BTN2A2: variants seen among roughly 807,000 people sequenced by gnomAD.
BTN2A2 encodes butyrophilin 2.
A neutral mutation model predicts 34.7 loss-of-function variants in BTN2A2; 29 were observed. That is an observed-to-expected ratio of 0.84 (90% CI 0.62 to 1.14). The LOEUF (loss-of-function observed/expected upper bound fraction) is 1.14. Ranked by LOEUF, BTN2A2 falls within the 50% of genes most tolerant of loss-of-function variation. The pLI, the probability that BTN2A2 is intolerant of heterozygous loss-of-function variation, is 0.00. For synonymous variants in BTN2A2, 240 were observed against 253.1 expected (o/e 0.95, Z 0.49); for missense variants, 612 against 651.5 (o/e 0.94, Z 0.66).
At chr6:26,385,812 AGTGCTAGGATTACAGGC>A (rs1761163514) in intron 3 of BTN2A2, among the ~76,000 whole-genome samples, 1 of 152,112 alleles carries the variant, frequency 6.6e-6, no homozygotes, top group Non-Finnish European at 1.5e-5. Context: ...AGTCTCCCAA[AGTGCTAGGATTACAGGC>A]GTGCGCCACC....
chr6:26,389,787 A>C (rs1321675603), intron 4 of BTN2A2, among the ~76,000 whole-genome samples: 1 of 151,892 alleles, frequency 6.6e-6, no homozygotes, highest in Non-Finnish European at 1.5e-5. Context: ...TTCCATGGTG[A>C]CTCCAGATGT....
chr6:26,390,571 C>T (rs1022060020), intron 5 of BTN2A2, 116 bp from the exon 6 acceptor site: 47 of 1,304,886 alleles, frequency 3.6e-5, no homozygotes, highest in Admixed American at 3.1e-4. Flanking sequence ...TAGGCATAAA[C>T]GAAGGGTGAT....
chr6:26,392,276 A>G, intron 7 of BTN2A2, 99 bp from the exon 8 acceptor site: 1 of 1,590,040 alleles, frequency 6.3e-7, no homozygotes, highest in Non-Finnish European at 8.6e-7. Flanking sequence ...CTACATGGGG[A>G]ACCCCCTTCA....
chr6:26,385,759 G>A (rs1194538026), intron 3 of BTN2A2, among the ~76,000 whole-genome samples: 1 of 151,950 alleles, frequency 6.6e-6, no homozygotes, highest in African/African-American at 2.4e-5. Flanking sequence ...CACCATGTTG[G>A]CAGGCTGGTC....
At position 26,394,345 on chromosome 6, in the gene BTN2A2, T is replaced by C. The variant is rs72500812; in HGVS notation, c.*1378T>C. 4,673 of 700,308 alleles carry C rather than the reference T, an allele frequency of 6.7e-3. 108 individuals carry two copies. The highest frequency in any genetic ancestry group is 0.036 in the South Asian group (2,418 of 67,388). 43.4% of individuals were successfully genotyped at this position (700,308 alleles called of 1,614,324 possible). A position where few individuals can be genotyped will look rare whatever the true frequency, so the allele number is the denominator to read the frequency against. ...GAATACCTAGACAGCTGGTACAACA[T>C]TATTTCTGGGTGTGTCTGTGAGTGT... On this transcript the variant is annotated 3_prime_UTR_variant, in exon 8 of 8. Transcript: ENST00000356709.
chr6:26,390,367 A>G, intron 5 of BTN2A2, 156 bp downstream of exon 5: 2 of 788,720 alleles, frequency 2.5e-6, no homozygotes, highest in East Asian at 2.7e-5. Flanking sequence ...AGCAGCCACA[A>G]GGGCTTGGAA....
In BTN2A2 at chr6:26,384,189, C is replaced by G. The variant is rs142220934; in HGVS notation, c.94+274C>G. 0.013 allele frequency among the ~76,000 whole-genome samples: 2,038 copies of G among 152,190 alleles called. 35 individuals carry two copies. Among genetic ancestry groups the G allele is most frequent in the African/African-American group, 0.043 (1,801 of 41,508 alleles). ...AGAGTATATTGCTCTGTTGCCAGGC[C>G]GGAATGAAGCAGATGGAGAATGAGA... On this transcript the variant is annotated intron_variant, in intron 2 of 7. Transcript: ENST00000356709. The surrounding 1 kb of genome is among the most constrained non-coding windows in gnomAD (Gnocchi z 4.0).
At position 26,392,567 on chromosome 6, in the gene BTN2A2, T is replaced by G. The variant is rs1369173284; in HGVS notation, c.1172T>G (p.Val391Gly). 4 of 1,613,818 alleles carry G rather than the reference T, an allele frequency of 2.5e-6. No homozygotes were observed. The highest frequency in any genetic ancestry group is 3.4e-6 in the Non-Finnish European group (4 of 1,179,942). Residue 391 changes from valine to glycine, a missense_variant, in exon 8 of 8, where the codon GTG (valine) becomes GGG (glycine). Physicochemically the swap from Val to Gly is moderately radical, Grantham distance 109. Coordinates refer to ENST00000356709, the MANE Select transcript of BTN2A2 (RefSeq NM_006995.5). ...KHYWEVEVEN[V>G]MVWTVGVCRH... ...TACTGGGAGGTGGAGGTGGAAAACG[T>G]GATGGTGTGGACTGTGGGGGTCTGC...
intron 5 of BTN2A2, 115 bp from the exon 6 acceptor site, chr6:26,390,572 G>C: frequency 7.6e-7 from 1 of 1,309,482 alleles, no homozygotes; most frequent in Non-Finnish European, 1.1e-6. Context: ...AGGCATAAAC[G>C]AAGGGTGATG....
Position 26,385,237 on chromosome 6 carries a change from A to G in BTN2A2, c.317A>G (p.Asp106Gly). 3 of 1,614,174 alleles carry G rather than the reference A, an allele frequency of 1.9e-6. No homozygotes were observed. The highest frequency in any genetic ancestry group is 1.7e-6 in the Non-Finnish European group (2 of 1,180,036). ...YRGRITFVSK[D>G]INRGSVALVI... ...GGAAGAATCACCTTTGTGAGCAAAG[A>G]CATCAACAGGGGCAGCGTGGCCCTG... is the stretch of plus-strand genomic sequence containing the variant. Residue 106 changes from aspartate (D) to glycine (G), a missense_variant, in exon 3 of 8, where the codon GAC becomes GGC. Asp to Gly is a moderately conservative substitution (Grantham distance 94). Transcript: ENST00000356709.
chr6:26,390,718 C>G lies in BTN2A2; in HGVS notation c.952+11C>G. 1 of 1,614,226 alleles carries G rather than the reference C, an allele frequency of 6.2e-7. No individual in the cohort carries two copies. Among genetic ancestry groups the G allele is most frequent in the Non-Finnish European group, 8.5e-7 (1 of 1,180,030 alleles). ...TTCAAGAAGAATTGCGTAAGTTTAG[C>G]CTTTCCTGAACTACTCCGTGTACAA... On this transcript the variant is annotated intron_variant, in intron 6 of 7. Transcript: ENST00000356709.
In BTN2A2 at chr6:26,392,722, CT is replaced by C. The variant is rs750740440; in HGVS notation, c.1330del (p.Cys444AlafsTer19). The C allele has an allele frequency of 9.9e-6, 16 of 1,614,120 alleles. No homozygotes were observed. The highest frequency in any genetic ancestry group is 1.3e-5 in the Non-Finnish European group (15 of 1,180,050). ...GAGGATTCTCCCTTTGAAGGAGTCC[CT>C]TTGCCGGGTGGGCGTCTTCCTGGAC... is the stretch of plus-strand genomic sequence containing the variant. ...PERILPLKES[L>X]CRVGVFLDYE... On this transcript the variant is annotated frameshift_variant, in exon 8 of 8. Coordinates refer to ENST00000356709, the MANE Select transcript of BTN2A2 (RefSeq NM_006995.5). LOFTEE classifies it low-confidence loss of function (END_TRUNC).
Position 26,383,961 on chromosome 6 carries a change from A to G in BTN2A2, c.94+46A>G. 1 of 1,574,528 alleles carries G rather than the reference A, an allele frequency of 6.4e-7. No homozygotes were observed. The highest frequency in any genetic ancestry group is 8.7e-7 in the Non-Finnish European group (1 of 1,144,136). ...CTGCTGTCACCTCTCAGAAAGGAAC[A>G]TCAACCCTGTAGTCTGCAAAGGGAA... On this transcript the variant is annotated intron_variant, in intron 2 of 7. Coordinates refer to ENST00000356709, the MANE Select transcript of BTN2A2 (RefSeq NM_006995.5). The surrounding 1 kb of genome is among the most constrained non-coding windows in gnomAD (Gnocchi z 4.4).
chr6:26,394,112 T>C lies in BTN2A2; in HGVS notation c.*1145T>C. The C allele has an allele frequency of 1.9e-6, 1 of 514,168 alleles. No individual in the cohort carries two copies. The highest frequency in any genetic ancestry group is 3.5e-6 in the Non-Finnish European group (1 of 289,846). The allele number at this position is 514,168 out of a possible 1,614,324, so 31.9% of individuals were successfully genotyped here. The stretch of plus-strand genomic sequence containing the variant: ...AGGTCATGTTAGCTCAAAAAAACTT[T>C]ACTGCACACTACTGAGAGAATGAGA... On this transcript the variant is annotated 3_prime_UTR_variant, in exon 8 of 8. Coordinates refer to ENST00000356709, the MANE Select transcript of BTN2A2 (RefSeq NM_006995.5).
rs1208158604 is a variant in BTN2A2, at chr6:26,384,006, T to C, written c.94+91T>C. 2 of 1,418,176 alleles carry C rather than the reference T, an allele frequency of 1.4e-6. No homozygotes were observed. The highest frequency in any genetic ancestry group is 2.0e-6 in the Non-Finnish European group (2 of 1,006,966). The allele number at this position is 1,418,176 out of a possible 1,614,324, so 87.8% of individuals were successfully genotyped here. On this transcript the variant is annotated intron_variant, in intron 2 of 7. Coordinates refer to ENST00000356709, the MANE Select transcript of BTN2A2 (RefSeq NM_006995.5). The surrounding 1 kb of genome is among the most constrained non-coding windows in gnomAD (Gnocchi z 4.0). The stretch of plus-strand genomic sequence containing the variant: ...AGGGAAAGAAGGAAGAACTGTGGGG[T>C]TGTTGACTTATCCTTTCATTCTGAA...
rs1266815847 is a variant in BTN2A2, at chr6:26,394,309, A to C, written c.*1342A>C. The stretch of plus-strand genomic sequence containing the variant: ...CTGGTTAATTTTAGATGTCAACCTG[A>C]CTGGATTAAGGAATACCTAGACAGC... On this transcript the variant is annotated 3_prime_UTR_variant, in exon 8 of 8. Transcript: ENST00000356709. The C allele has an allele frequency of 2.9e-6, 2 of 700,724 alleles. No homozygotes were observed. 43.4% of individuals were successfully genotyped at this position (700,724 alleles called of 1,614,324 possible).
In BTN2A2 at chr6:26,394,275, A is replaced by G; in HGVS notation, c.*1308A>G. The G allele has an allele frequency of 1.4e-6, 1 of 700,672 alleles. No homozygotes were observed. The highest frequency in any genetic ancestry group is 2.6e-6 in the Non-Finnish European group (1 of 384,710). The allele number at this position is 700,672 out of a possible 1,614,324, so 43.4% of individuals were successfully genotyped here. The stretch of plus-strand genomic sequence containing the variant: ...CTAGAATAGTGGATCCTGGAAGTTA[A>G]TCCATGTGCTGGTTAATTTTAGATG... On this transcript the variant is annotated 3_prime_UTR_variant, in exon 8 of 8. Transcript: ENST00000356709.
Position 26,392,792 on chromosome 6 carries a change from C to T in BTN2A2, c.1397C>T (p.Ser466Leu), listed in dbSNP as rs767620695. ...DVSFYNMRDR[S>L]HIYTCPRSAF... ...TCCTTCTACAACATGAGGGACAGATCGCACATCTACACATGTCCCCGTTCA... is the reference window on the plus strand; with the variant it reads ...TCCTTCTACAACATGAGGGACAGATTGCACATCTACACATGTCCCCGTTCA... The change falls in exon 8 of 8, where the codon TCG becomes TTG. Residue 466 changes from serine to leucine, a missense_variant. Coordinates refer to ENST00000356709, the MANE Select transcript of BTN2A2 (RefSeq NM_006995.5). The T allele has an allele frequency of 1.9e-6, 3 of 1,614,072 alleles. No homozygotes were observed. The highest frequency in any genetic ancestry group is 2.2e-5 in the South Asian group (2 of 91,084).
intron 7 of BTN2A2, chr6:26,391,048 C>G: frequency 1.6e-6 from 1 of 641,200 alleles, no homozygotes; most frequent in South Asian, 1.9e-5. Flanking sequence ...TCCCCAGGAC[C>G]CTTTCTCTTT....
Sources: allele counts gnomAD v4.1 joint callset (sites outside exome capture counted in the v4.1 genomes callset), GRCh38; gene constraint gnomAD v4.1.1; non-coding constraint Gnocchi (gnomAD v3.1); transcripts MANE v1.5; gene names NCBI Gene and HGNC (gene_info 2026-07-23, HGNC 2026-07-21).